BMPR1B: variants seen among roughly 807,000 people sequenced by gnomAD.
BMPR1B encodes bone morphogenetic protein receptor type 1B, also known as bone morphogenetic protein receptor type-1B.
BMPR1B carries 12 observed loss-of-function variants against 59.1 expected under a neutral mutation model. That is an observed-to-expected ratio of 0.20 (90% CI 0.13 to 0.33). The LOEUF is 0.33. Ranked by LOEUF, BMPR1B falls within the 10% of genes least tolerant of loss-of-function variation. The probability of loss-of-function intolerance (pLI) is 1.00; values close to 1 mark genes in which losing one functional copy is unlikely to be tolerated. For missense variants in BMPR1B, 550 were observed against 610.9 expected, an observed-to-expected ratio of 0.90 and a Z score of 1.05; for synonymous variants, 237 against 207.3, an observed-to-expected ratio of 1.14 and a Z score of -1.23.
intron 11 of BMPR1B, among the ~76,000 whole-genome samples, chr4:95,149,756 G>A (rs905482540): frequency 2.0e-5 from 3 of 152,196 alleles, no homozygotes; most frequent in Non-Finnish European, 4.4e-5. Context: ...TGAGCTTGCT[G>A]AAGATTCTGA....
At chr4:94,946,967 G>A (rs1024276004) in intron 2 of BMPR1B, among the ~76,000 whole-genome samples, 5 of 152,022 alleles carry the variant, frequency 3.3e-5, no homozygotes, top group Non-Finnish European at 7.4e-5. Context: ...TGGGGAAATC[G>A]CCTGAACCGG....
At chr4:94,876,990 A>G (rs1174721153) in intron 2 of BMPR1B, among the ~76,000 whole-genome samples, 2 of 152,218 alleles carry the variant, frequency 1.3e-5, no homozygotes, top group Admixed American at 1.3e-4. Context: ...TTAATTAAGA[A>G]AGCAGAAATA....
At chr4:95,102,004 T>G (rs1187025490) in intron 3 of BMPR1B, among the ~76,000 whole-genome samples, 5 of 152,186 alleles carry the variant, frequency 3.3e-5, no homozygotes, top group Non-Finnish European at 5.9e-5. Flanking sequence ...AAAATTATAC[T>G]ATAACATTTT....
At chr4:94,988,729 A>AT (rs1486924290) in intron 2 of BMPR1B, among the ~76,000 whole-genome samples, 1 of 152,098 alleles carries the variant, frequency 6.6e-6, no homozygotes, top group African/African-American at 2.4e-5. Context: ...CTTATGTATG[A>AT]TTTTCCTGTG....
At chr4:94,939,975 A>G (rs764320510) in intron 2 of BMPR1B, among the ~76,000 whole-genome samples, 29 of 152,220 alleles carry the variant, frequency 1.9e-4, no homozygotes, top group Non-Finnish European at 4.0e-4. Context: ...ATCAGATACT[A>G]TTACAAAGTA....
intron 1 of BMPR1B, among the ~76,000 whole-genome samples, chr4:94,857,894 A>G (rs61706867): frequency 0.29 from 43,857 of 152,208 alleles, 6,849 homozygotes; most frequent in East Asian, 0.41. Context: ...TTTGAAAAAC[A>G]TATGTTTATG....
Position 95,092,852 on chromosome 4 carries a change from C to T in BMPR1B, c.-17-11556C>T, listed in dbSNP as rs142447502. Among the ~76,000 whole-genome samples, 629 of 152,146 alleles carry T rather than the reference C, an allele frequency of 4.1e-3. 6 individuals carry two copies. Among genetic ancestry groups the T allele is most frequent in the African/African-American group, 0.015 (614 of 41,514 alleles). On this transcript the variant is annotated intron_variant, in intron 3 of 12. Transcript: ENST00000515059. ...ACTAGGCTGTCTTGGGAGTGCTTTGCAAAGCTGCAGAGTAATTTTTGGTGT... is the reference window on the plus strand; with the variant it reads ...ACTAGGCTGTCTTGGGAGTGCTTTGTAAAGCTGCAGAGTAATTTTTGGTGT...
chr4:94,919,829 C>T (rs1162417766), intron 2 of BMPR1B, among the ~76,000 whole-genome samples: 1 of 152,066 alleles, frequency 6.6e-6, no homozygotes, highest in Non-Finnish European at 1.5e-5. Context: ...TGATTTAAGT[C>T]ATGTTTTTCT....
chr4:95,095,628 T>C (rs181121926), intron 3 of BMPR1B, among the ~76,000 whole-genome samples: 2 of 152,188 alleles, frequency 1.3e-5, no homozygotes, highest in Admixed American at 1.3e-4. Flanking sequence ...AGTTTAAAAA[T>C]GAAAAAGATA....
At chr4:94,837,000 G>A (rs11944093) in intron 1 of BMPR1B, among the ~76,000 whole-genome samples, 29,772 of 126,830 alleles carry the variant, frequency 0.23, 4,612 homozygotes, top group African/African-American at 0.27. Flanking sequence ...TCCCAGCACC[G>A]TTTATTAAAT....
rs571635214 is a variant in BMPR1B at position 94,924,782 on chromosome 4, A to T, written c.-113+48882A>T. On this transcript the variant is annotated intron_variant, in intron 2 of 12. Transcript: ENST00000515059. ...TACCGTATGACACATATCACTGAGG[A>T]TGTGAGTCTTTGGTTATTTGTTGAA... Among the ~76,000 whole-genome samples the T allele has an allele frequency of 6.5e-4, 99 of 152,188 alleles. 1 individual carries two copies. The Middle Eastern group carries it at 0.01, about 16-fold the overall frequency.
rs544873586 is a variant in BMPR1B, at chr4:95,135,821, A to G, written c.1076+4309A>G. On this transcript the variant is annotated intron_variant, in intron 10 of 12. Transcript: ENST00000515059. ...TGTCATCTGCAAACAGGGACAATTT[A>G]ACTTCCTCTTTTCCTAATTGAATAC... Among the ~76,000 whole-genome samples, 13 of 152,134 alleles carry G rather than the reference A, an allele frequency of 8.5e-5. No individual in the cohort carries two copies. The South Asian group carries it at 1.2e-3, about 15-fold the overall frequency.
intron 3 of BMPR1B, among the ~76,000 whole-genome samples, chr4:95,053,558 T>C (rs1319398094): frequency 6.6e-6 from 1 of 152,136 alleles, no homozygotes; most frequent in South Asian, 2.1e-4. Context: ...CTTAGAATAG[T>C]GTCTGGCACA....
intron 6 of BMPR1B, among the ~76,000 whole-genome samples, chr4:95,116,421 G>GCACA (rs35436544): frequency 0.057 from 6,966 of 123,132 alleles, 230 homozygotes; most frequent in South Asian, 0.1. Context: ...TTCAGCGCGC[G>GCACA]CACACACACA....
chr4:94,975,807 T>C (rs1168334323), intron 2 of BMPR1B, among the ~76,000 whole-genome samples: 1 of 152,244 alleles, frequency 6.6e-6, no homozygotes, highest in African/African-American at 2.4e-5. Flanking sequence ...TCTTTCTAAA[T>C]TTTTTACCAG....
At chr4:94,800,413 A>C (rs1229174055) in intron 1 of BMPR1B, among the ~76,000 whole-genome samples, 1 of 150,264 alleles carries the variant, frequency 6.7e-6, no homozygotes, top group Non-Finnish European at 1.5e-5. Flanking sequence ...ATATTTACTT[A>C]TGGTAGGAAG....
chr4:95,025,448 TGG>T (rs370658408), intron 3 of BMPR1B, among the ~76,000 whole-genome samples: 9 of 152,246 alleles, frequency 5.9e-5, no homozygotes, highest in Non-Finnish European at 8.8e-5. Context: ...AGACAGATGA[TGG>T]TGACTTGGGC....
At chr4:95,002,375 C>T (rs141846647) in intron 3 of BMPR1B, among the ~76,000 whole-genome samples, 304 of 152,214 alleles carry the variant, frequency 2.0e-3, no homozygotes, top group African/African-American at 7.1e-3. Context: ...TTTATCCATC[C>T]ACTGTTGATT....
intron 2 of BMPR1B, among the ~76,000 whole-genome samples, chr4:94,882,106 C>T (rs1206022207): frequency 1.3e-5 from 2 of 152,030 alleles, no homozygotes; most frequent in African/African-American, 2.4e-5. Flanking sequence ...AAAAAGGTTC[C>T]TATGCTACTG....
Sources: allele counts gnomAD v4.1 joint callset (sites outside exome capture counted in the v4.1 genomes callset), GRCh38; gene constraint gnomAD v4.1.1; transcripts MANE v1.5; gene names NCBI Gene and HGNC (gene_info 2026-07-23, HGNC 2026-07-21).